The following CCNJ variants were observed in gnomAD, a reference collection of about 807,000 sequenced individuals.
CCNJ encodes the protein cyclin-J.
In CCNJ, 12 loss-of-function variants were observed where a neutral mutation model predicts 41.4. That is an observed-to-expected ratio of 0.29 (90% CI 0.19 to 0.47). The LOEUF (loss-of-function observed/expected upper bound fraction) is 0.47. Ranked by LOEUF, CCNJ falls within the 20% of genes least tolerant of loss-of-function variation. The probability of loss-of-function intolerance (pLI) is 1.00; values close to 1 mark genes in which losing one functional copy is unlikely to be tolerated. For missense variants in CCNJ, 340 were observed against 464.6 expected (o/e 0.73, Z 2.47); for synonymous variants, 161 against 173.4 (o/e 0.93, Z 0.56).
chr10:96,049,804 G>A (rs2080473242), intron 2 of CCNJ, among the ~76,000 whole-genome samples: 2 of 152,268 alleles, frequency 1.3e-5, no homozygotes, highest in South Asian at 4.1e-4. Context: ...GAAAGGTACT[G>A]CTTTCTACAC....
At chr10:96,053,877 C>A (rs1258262774) in intron 3 of CCNJ, among the ~76,000 whole-genome samples, 1 of 151,984 alleles carries the variant, frequency 6.6e-6, no homozygotes, top group Non-Finnish European at 1.5e-5. Flanking sequence ...TTTGTTTGCC[C>A]ATTTTTATAT....
chr10:96,057,762 G>C (rs1376961957), intron 5 of CCNJ, 68 bp from the exon 6 acceptor site: 1 of 1,445,664 alleles, frequency 6.9e-7, no homozygotes, highest in South Asian at 1.3e-5. Context: ...TGGGGATGGG[G>C]CATGATTTTC....
intron 1 of CCNJ, among the ~76,000 whole-genome samples, chr10:96,044,130 ATAGTC>A (rs1202448337): frequency 3.3e-5 from 5 of 152,270 alleles, no homozygotes; most frequent in African/African-American, 1.2e-4. Flanking sequence ...TGCCCGACAC[ATAGTC>A]GAGCAGTGAG....
In CCNJ at chr10:96,056,688, C is replaced by T; in HGVS notation, c.281-13C>T. 6.4e-7 allele frequency: 1 copy of T among 1,567,096 alleles called. No homozygotes were observed. The highest frequency in any genetic ancestry group is 8.6e-7 in the Non-Finnish European group (1 of 1,158,554). On this transcript the variant is annotated splice_polypyrimidine_tract_variant and intron_variant, in intron 3 of 5. Transcript: ENST00000465148. ...GACATTTTCTCTCCCCTCCCATCCC[C>T]TTTTCTTATAAGGTAAATTTGAAGA...
rs2080712461 is a variant in CCNJ at position 96,057,015 on chromosome 10, A to C, written c.580+15A>C. On this transcript the variant is annotated intron_variant, in intron 4 of 5. Coordinates refer to ENST00000465148, the MANE Select transcript of CCNJ (RefSeq NM_001134375.2). ...ATCTTTGCAAGGTGGGTTGTTGTGA[A>C]TACCAGTAAGTGACTTGTGCACTTG... The C allele has an allele frequency of 1.9e-6, 3 of 1,612,938 alleles. No individual in the cohort carries two copies. The Admixed American group carries it at 5.0e-5, about 27-fold the overall frequency.
intron 2 of CCNJ, among the ~76,000 whole-genome samples, chr10:96,045,591 C>T (rs1401545315): frequency 1.3e-5 from 2 of 152,048 alleles, no homozygotes. Flanking sequence ...ATGGTTTATA[C>T]CACATAAAAA....
intron 3 of CCNJ, among the ~76,000 whole-genome samples, chr10:96,056,404 T>C (rs915273703): frequency 5.9e-5 from 9 of 152,220 alleles, no homozygotes; most frequent in African/African-American, 2.2e-4. Flanking sequence ...AATATTCAGC[T>C]GATGAGATTG....
intron 2 of CCNJ, among the ~76,000 whole-genome samples, chr10:96,045,836 C>CT (rs1368400947): frequency 2.6e-5 from 4 of 151,374 alleles, no homozygotes; most frequent in Admixed American, 6.6e-5. Flanking sequence ...ATTAAGAGTA[C>CT]TTTTTTTTTG....
intron 1 of CCNJ, among the ~76,000 whole-genome samples, chr10:96,043,962 G>A (rs1389569421): frequency 1.1e-4 from 16 of 152,228 alleles, no homozygotes; most frequent in Non-Finnish European, 2.9e-5. Context: ...TTTCCCCTCA[G>A]CGGGGCTATG....
chr10:96,054,789 GATA>G (rs1171339581), intron 3 of CCNJ, among the ~76,000 whole-genome samples: 1 of 152,154 alleles, frequency 6.6e-6, no homozygotes, highest in East Asian at 1.9e-4. Context: ...ATTTCAAGGA[GATA>G]ATATGAAACA....
At chr10:96,054,949 G>C (rs1387025722) in intron 3 of CCNJ, among the ~76,000 whole-genome samples, 1 of 152,206 alleles carries the variant, frequency 6.6e-6, no homozygotes, top group African/African-American at 2.4e-5. Context: ...CTTGAAAGCT[G>C]TAATGATTCA....
chr10:96,056,638 C>T lies in CCNJ; in HGVS notation c.281-63C>T, dbSNP rs2080703835. 3 of 1,235,150 alleles carry T rather than the reference C, an allele frequency of 2.4e-6. No homozygotes were observed. The East Asian group carries it at 7.0e-5, about 29-fold the overall frequency. The allele number at this position is 1,235,150 out of a possible 1,614,324, so 76.5% of individuals were successfully genotyped here. A position where few individuals can be genotyped will look rare whatever the true frequency, so the allele number is the denominator to read the frequency against. ...AAGACAGCAAATCCCATTTTACTGA[C>T]TAGACCAATAATGATCACTTGCCTG... On this transcript the variant is annotated intron_variant, in intron 3 of 5. Transcript: ENST00000465148.
intron 3 of CCNJ, among the ~76,000 whole-genome samples, chr10:96,055,356 C>A (rs1000611042): frequency 6.6e-6 from 1 of 152,160 alleles, no homozygotes; most frequent in Non-Finnish European, 1.5e-5. Flanking sequence ...AACCTTAAAT[C>A]TAAAATAGAA....
chr10:96,053,129 G>T (rs1005189113), intron 3 of CCNJ, among the ~76,000 whole-genome samples: 1 of 151,686 alleles, frequency 6.6e-6, no homozygotes, highest in African/African-American at 2.4e-5. Context: ...AGCATACCTT[G>T]TAAGTTCTAG....
intron 3 of CCNJ, 98 bp downstream of exon 3, chr10:96,050,564 C>A (rs572650793): frequency 2.3e-5 from 19 of 843,260 alleles, no homozygotes; most frequent in South Asian, 1.7e-4. Flanking sequence ...AAATCCCATT[C>A]ATTCCAGTTC....
chr10:96,053,191 T>TCTGTGATTGGAGAGCTATGTGTAG (rs2080578491), intron 3 of CCNJ, among the ~76,000 whole-genome samples: 1 of 151,048 alleles, frequency 6.6e-6, no homozygotes, highest in African/African-American at 2.4e-5. Flanking sequence ...CTACAGATTA[T>TCTGTGATTGGAGAGCTATGTGTAG]CTCTGATTGG....
intron 3 of CCNJ, among the ~76,000 whole-genome samples, chr10:96,055,374 A>T (rs2080653510): frequency 6.6e-6 from 1 of 152,212 alleles, no homozygotes; most frequent in African/African-American, 2.4e-5. Flanking sequence ...GAACACAGTA[A>T]TAGGAGCTTT....
At chr10:96,051,232 T>G (rs2080513139) in intron 3 of CCNJ, among the ~76,000 whole-genome samples, 1 of 152,234 alleles carries the variant, frequency 6.6e-6, no homozygotes, top group Non-Finnish European at 1.5e-5. Context: ...CTGGTGGATC[T>G]TTTGGCCCCT....
chr10:96,044,283 C>T (rs2080298375), intron 1 of CCNJ, 70 bp from the exon 2 acceptor site: 2 of 767,532 alleles, frequency 2.6e-6, no homozygotes, highest in South Asian at 3.4e-5. Context: ...TGAGGTCACA[C>T]CCCCCGGGGA....
Sources: gnomAD v4.1 joint callset for allele counts (sites outside exome capture counted in the v4.1 genomes callset) on GRCh38, gnomAD v4.1.1 for gene constraint, MANE v1.5 for transcripts, NCBI Gene and HGNC (gene_info 2026-07-23, HGNC 2026-07-21) for gene names.